Variants in ADGRE1 observed in about 807,000 individuals in gnomAD.
The protein encoded by ADGRE1 is adhesion G protein-coupled receptor E1.
In ADGRE1, 82 loss-of-function variants were observed where a neutral mutation model predicts 102.7. The ratio of observed to expected loss-of-function variants is 0.80; its 90% CI spans 0.67 to 0.96. ADGRE1 has a LOEUF of 0.96. Ranked by LOEUF, ADGRE1 falls within the 40% of genes least tolerant of loss-of-function variation. The pLI is 0.00. For missense variants in ADGRE1, 1,032 were observed against 1,085.3 expected, an observed-to-expected ratio of 0.95 and a Z score of 0.69; for synonymous variants, 398 against 399.6, an observed-to-expected ratio of 1.00 and a Z score of 0.05.
At chr19:6,911,262 T>C (rs1391128923) in intron 10 of ADGRE1, among the ~76,000 whole-genome samples, 1 of 152,140 alleles carries the variant, frequency 6.6e-6, no homozygotes, top group Non-Finnish European at 1.5e-5. Context: ...TTTTATCATC[T>C]AATTTGGATA....
chr19:6,909,209 C>A (rs1305149932), intron 10 of ADGRE1, among the ~76,000 whole-genome samples: 1 of 151,596 alleles, frequency 6.6e-6, no homozygotes, highest in African/African-American at 2.4e-5. Context: ...TTTTTTATAG[C>A]TGTAAGATTT....
At chr19:6,924,626 G>C in intron 14 of ADGRE1, 52 bp from the exon 15 acceptor site, 1 of 1,534,988 alleles carries the variant, frequency 6.5e-7, no homozygotes, top group Non-Finnish European at 8.9e-7. Flanking sequence ...CTTCCCGCCT[G>C]GGGGGATTTT....
intron 5 of ADGRE1, chr19:6,898,350 T>C (rs980221154): frequency 1.4e-5 from 23 of 1,598,016 alleles, no homozygotes; most frequent in South Asian, 3.3e-5. Context: ...GTGGTCCTAA[T>C]TCATCCTGCA....
chr19:6,921,113 C>CG, intron 13 of ADGRE1, among the ~76,000 whole-genome samples: 1 of 152,152 alleles, frequency 6.6e-6, no homozygotes, highest in Non-Finnish European at 1.5e-5. Flanking sequence ...TGGAGAAACC[C>CG]CATCTTTACT....
intron 17 of ADGRE1, among the ~76,000 whole-genome samples, chr19:6,932,327 G>T (rs1975190552): frequency 6.6e-6 from 1 of 152,032 alleles, no homozygotes; most frequent in African/African-American, 2.4e-5. Flanking sequence ...AATCAGCCAG[G>T]CGTGGTGGTG....
intron 15 of ADGRE1, among the ~76,000 whole-genome samples, chr19:6,925,482 G>C (rs922223536): frequency 3.9e-5 from 6 of 152,096 alleles, no homozygotes; most frequent in African/African-American, 1.4e-4. Flanking sequence ...CCCCAGGGGA[G>C]ACTTGGCAAT....
intron 6 of ADGRE1, among the ~76,000 whole-genome samples, chr19:6,902,299 A>C (rs576182693): frequency 6.6e-6 from 1 of 152,296 alleles, no homozygotes; most frequent in African/African-American, 2.4e-5. Flanking sequence ...GGCACCATTC[A>C]GTCCATAGCA....
intron 6 of ADGRE1, among the ~76,000 whole-genome samples, chr19:6,902,868 C>T (rs1308067880): frequency 6.6e-6 from 1 of 152,204 alleles, no homozygotes; most frequent in African/African-American, 2.4e-5. Context: ...TCTTGAGTAG[C>T]TGGGATTACA....
intron 1 of ADGRE1, among the ~76,000 whole-genome samples, chr19:6,888,997 GTGA>G (rs933851399): frequency 2.6e-5 from 4 of 152,064 alleles, no homozygotes; most frequent in Non-Finnish European, 2.9e-5. Flanking sequence ...GATGAAAATG[GTGA>G]TGATGATGGT....
At chr19:6,913,905 C>A in intron 11 of ADGRE1, 75 bp downstream of exon 11, 1 of 1,423,068 alleles carries the variant, frequency 7.0e-7, no homozygotes, top group Non-Finnish European at 9.5e-7. Context: ...TGGGATATTC[C>A]CTGGGTTTCC....
chr19:6,901,986 A>G lies in ADGRE1; in HGVS notation c.626A>G (p.His209Arg). Residue 209 changes from histidine (H) to arginine (R), a missense_variant, in exon 6 of 21, where the codon CAC becomes CGC. Coordinates refer to ENST00000312053, the MANE Select transcript of ADGRE1 (RefSeq NM_001974.5). ...CCAGGATTTGAATCCAGCAGTGGCC[A>G]CTTGAGTTTCCAGGGTCTCAAAGCA... The part of the protein sequence containing the change: ...CNPGFESSSG[H>R]LSFQGLKASC... 6.2e-7 allele frequency: 1 copy of G among 1,614,176 alleles called. No individual in the cohort carries two copies. The highest frequency in any genetic ancestry group is 8.5e-7 in the Non-Finnish European group (1 of 1,180,034).
chr19:6,908,671 T>TA lies in ADGRE1; in HGVS notation c.1039-18_1039-17insA, dbSNP rs879101736. 4 of 1,580,126 alleles carry TA rather than the reference T, an allele frequency of 2.5e-6. No individual in the cohort carries two copies. In the South Asian group the frequency reaches 3.5e-5, roughly 14 times the overall value. On this transcript the variant is annotated splice_polypyrimidine_tract_variant and intron_variant, in intron 9 of 20. Coordinates refer to ENST00000312053, the MANE Select transcript of ADGRE1 (RefSeq NM_001974.5). ...TTCATGCTCACAAATGCTCTTTTTT[T>TA]TTTTTTCTGGGACGCAGGTCTCCTT...
intron 8 of ADGRE1, among the ~76,000 whole-genome samples, chr19:6,905,579 G>A (rs2607128): frequency 6.6e-6 from 1 of 151,144 alleles, no homozygotes; most frequent in Non-Finnish European, 1.5e-5. Context: ...TCTTGAACTC[G>A]TGATCTTGTG....
Position 6,897,200 on chromosome 19 carries a change from G to T in ADGRE1, c.290G>T (p.Cys97Phe), listed in dbSNP as rs373365102. The T allele has an allele frequency of 6.2e-7, 1 of 1,610,502 alleles. No homozygotes were observed. The highest frequency in any genetic ancestry group is 8.5e-7 in the Non-Finnish European group (1 of 1,179,620). ...CAGCCCTGTGGTCCTAACTCATCCT[G>T]CAAAAACCTGTCAGGGAGGTACAAG... ...SPQPCGPNSS[C>F]KNLSGRYKCS... is the part of the protein sequence containing the mutation. The change falls in exon 4 of 21, where the codon TGC (cysteine) becomes TTC (phenylalanine). Residue 97 changes from cysteine to phenylalanine, a missense_variant. Transcript: ENST00000312053.
intron 12 of ADGRE1, among the ~76,000 whole-genome samples, chr19:6,918,850 G>A (rs763007095): frequency 5.3e-5 from 8 of 150,528 alleles, no homozygotes; most frequent in Non-Finnish European, 1.2e-4. Context: ...TCGGCCTCCC[G>A]AGTAGCTGGG....
At position 6,924,682 on chromosome 19, in the gene ADGRE1, A is replaced by C; in HGVS notation, c.1796A>C (p.Asp599Ala). 1 of 1,613,556 alleles carries C rather than the reference A, an allele frequency of 6.2e-7. No individual in the cohort carries two copies. Among genetic ancestry groups the C allele is most frequent in the Non-Finnish European group, 8.5e-7 (1 of 1,179,650 alleles). The stretch of plus-strand genomic sequence containing the variant: ...TCTGAAATTCCTTCCTGACAGATGG[A>C]CTTTTCCTTGTACATCATTAGCCAT... ...VIMASGELTM[D>A]FSLYIISHVG... Residue 599 changes from aspartate to alanine, a missense_variant, in exon 15 of 21, where the codon GAC (aspartate) becomes GCC (alanine). By Grantham distance (126) the Asp-to-Ala change is moderately radical. Transcript: ENST00000312053.
chr19:6,890,423 T>TG, intron 1 of ADGRE1, 58 bp from the exon 2 acceptor site: 1 of 473,910 alleles, frequency 2.1e-6, no homozygotes, highest in Non-Finnish European at 2.8e-6. Flanking sequence ...CCCAAAAGGT[T>TG]TTTTTTTTTT....
intron 14 of ADGRE1, among the ~76,000 whole-genome samples, chr19:6,922,250 G>C (rs934592431): frequency 6.6e-6 from 1 of 152,096 alleles, no homozygotes; most frequent in African/African-American, 2.4e-5. Flanking sequence ...ATTGGAGCAG[G>C]TGGAATTCAA....
At chr19:6,936,277 A>T (rs1413353945) in intron 18 of ADGRE1, among the ~76,000 whole-genome samples, 1 of 151,988 alleles carries the variant, frequency 6.6e-6, no homozygotes, top group Non-Finnish European at 1.5e-5. Flanking sequence ...TTTACTAAAA[A>T]TACAAAAAAT....
Sources: gnomAD v4.1 joint callset for allele counts (sites outside exome capture counted in the v4.1 genomes callset) on GRCh38, gnomAD v4.1.1 for gene constraint, MANE v1.5 for transcripts, NCBI Gene and HGNC (gene_info 2026-07-23, HGNC 2026-07-21) for gene names.